Variants in MRRF observed in about 807,000 individuals in gnomAD.
MRRF encodes ribosome-recycling factor, mitochondrial.
In MRRF, 18 loss-of-function variants were observed where a neutral mutation model predicts 25.1. The ratio of observed to expected loss-of-function variants is 0.72; its 90% CI spans 0.50 to 1.06. The LOEUF (loss-of-function observed/expected upper bound fraction) is 1.06, where lower values mean the gene tolerates loss of function less well. Ranked by LOEUF, MRRF falls within the 50% of genes least tolerant of loss-of-function variation. The pLI, the probability that MRRF is intolerant of heterozygous loss-of-function variation, is 0.00. For missense variants in MRRF, 323 were observed against 319.3 expected, an observed-to-expected ratio of 1.01 and a Z score of -0.09; for synonymous variants, 113 against 112.1, an observed-to-expected ratio of 1.01 and a Z score of -0.05.
chr9:122,319,281 G>C (rs1206940262), intron 6 of MRRF, among the ~76,000 whole-genome samples: 1 of 151,628 alleles, frequency 6.6e-6, no homozygotes, highest in African/African-American at 2.4e-5. Context: ...CTCCCCAGTA[G>C]CTGGGACTAC....
chr9:122,283,124 T>C (rs1386977822), intron 3 of MRRF, among the ~76,000 whole-genome samples: 2 of 151,452 alleles, frequency 1.3e-5, no homozygotes, highest in Non-Finnish European at 2.9e-5. Context: ...GTCAGAGTCT[T>C]GCACTGTCGC....
rs1836039052 is a variant in MRRF, at chr9:122,324,147, C to T, written c.*1530C>T. On this transcript the variant is annotated 3_prime_UTR_variant, in exon 7 of 7. Transcript: ENST00000344641. ...TGTCAGATCCCACAGGTTGAGGGCT[C>T]CATCTCCCAAGACTGCCAACACTTT... 1.3e-5 allele frequency: 2 copies of T among 152,172 alleles called. No homozygotes were observed. The highest frequency in any genetic ancestry group is 2.4e-5 in the African/African-American group (1 of 41,420). 9.4% of individuals were successfully genotyped at this position (152,172 alleles called of 1,614,324 possible).
chr9:122,297,985 C>T (rs574922771), intron 5 of MRRF, among the ~76,000 whole-genome samples: 17 of 152,270 alleles, frequency 1.1e-4, no homozygotes, highest in African/African-American at 4.1e-4. Context: ...ATACTGTATT[C>T]TAGGCTCTAT....
At chr9:122,277,011 C>T (rs185728156) in intron 2 of MRRF, among the ~76,000 whole-genome samples, 7 of 152,244 alleles carry the variant, frequency 4.6e-5, no homozygotes, top group African/African-American at 1.4e-4. Flanking sequence ...CAGGCACGCA[C>T]GGCCATGCCT....
chr9:122,306,634 G>A (rs184798161), intron 5 of MRRF, among the ~76,000 whole-genome samples: 1 of 152,292 alleles, frequency 6.6e-6, no homozygotes, highest in East Asian at 1.9e-4. Flanking sequence ...GTCAGAGCTG[G>A]AATTGGAAAT....
chr9:122,285,833 A>C (rs1464582307), intron 4 of MRRF: 1 of 1,282,616 alleles, frequency 7.8e-7, no homozygotes, highest in East Asian at 5.6e-5. Context: ...CCTGAGGGCC[A>C]CCAATTTGTG....
chr9:122,297,643 A>G (rs552522817), intron 5 of MRRF, among the ~76,000 whole-genome samples: 1 of 152,290 alleles, frequency 6.6e-6, no homozygotes, highest in Admixed American at 6.5e-5. Context: ...ATGATTTTCT[A>G]AGGCCTACTT....
At chr9:122,269,783 A>C (rs1832339152) in intron 1 of MRRF, among the ~76,000 whole-genome samples, 1 of 152,202 alleles carries the variant, frequency 6.6e-6, no homozygotes, top group African/African-American at 2.4e-5. Context: ...GATAGCTATC[A>C]ACAGGTATTA....
In MRRF at chr9:122,316,321, A is replaced by G. The variant is rs148374140; in HGVS notation, c.711+2935A>G. On this transcript the variant is annotated intron_variant, in intron 6 of 6. Coordinates refer to ENST00000344641, the MANE Select transcript of MRRF (RefSeq NM_138777.5). Reference sequence around the variant, plus strand: ...CTCCCGAGTAGCTGGGATTACAGGCACGTGCCACCATGCCCTGCTAATTTT... The same window carrying G: ...CTCCCGAGTAGCTGGGATTACAGGCGCGTGCCACCATGCCCTGCTAATTTT... Among the ~76,000 whole-genome samples, 1,240 of 152,170 alleles carry G rather than the reference A, an allele frequency of 8.1e-3. 25 individuals carry two copies. Among genetic ancestry groups the G allele is most frequent in the African/African-American group, 0.028 (1,157 of 41,502 alleles).
chr9:122,322,135 A>G (rs530045458), intron 6 of MRRF, among the ~76,000 whole-genome samples: 15 of 152,262 alleles, frequency 9.9e-5, no homozygotes, highest in African/African-American at 3.6e-4. Flanking sequence ...CCAAGGCAGG[A>G]GGATCACGAG....
At chr9:122,283,509 A>G (rs976853741) in intron 3 of MRRF, among the ~76,000 whole-genome samples, 1 of 152,218 alleles carries the variant, frequency 6.6e-6, no homozygotes, top group East Asian at 1.9e-4. Context: ...ATTTGAACTC[A>G]GGTAATTGGT....
At chr9:122,272,306 G>A (rs1429195145) in intron 2 of MRRF, among the ~76,000 whole-genome samples, 1 of 152,138 alleles carries the variant, frequency 6.6e-6, no homozygotes, top group Non-Finnish European at 1.5e-5. Context: ...GACAGTTACA[G>A]TGCATAAGCA....
chr9:122,325,686 T>TG lies in MRRF; in HGVS notation c.*3071dup. The TG allele has an allele frequency of 1.0e-5, 1 of 99,826 alleles. No individual in the cohort carries two copies. The highest frequency in any genetic ancestry group is 4.0e-5 in the African/African-American group (1 of 24,942). 6.2% of individuals were successfully genotyped at this position (99,826 alleles called of 1,614,324 possible). A position where few individuals can be genotyped will look rare whatever the true frequency, so the allele number is the denominator to read the frequency against. ...TGTGTGTGTGTGTGTGTGTGTGTGT[T>TG]GGAAATTACAAAATAAGTTGGAATG... is the stretch of plus-strand genomic sequence containing the variant. On this transcript the variant is annotated 3_prime_UTR_variant, in exon 7 of 7. Transcript: ENST00000344641.
intron 2 of MRRF, among the ~76,000 whole-genome samples, chr9:122,276,105 G>C (rs1211812120): frequency 6.6e-6 from 1 of 152,086 alleles, no homozygotes; most frequent in East Asian, 1.9e-4. Context: ...GTAGAGATGG[G>C]ATTTCGCCAT....
At chr9:122,279,531 A>G (rs956316491) in intron 2 of MRRF, among the ~76,000 whole-genome samples, 4 of 152,248 alleles carry the variant, frequency 2.6e-5, no homozygotes, top group African/African-American at 9.6e-5. Flanking sequence ...ATGAATAAAC[A>G]GTGTAAATAT....
At chr9:122,310,024 A>G (rs1383778343) in intron 5 of MRRF, among the ~76,000 whole-genome samples, 1 of 152,196 alleles carries the variant, frequency 6.6e-6, no homozygotes, top group African/African-American at 2.4e-5. Flanking sequence ...GACAGTTTAC[A>G]TTTCCTGAGT....
chr9:122,269,586 G>A (rs1275845902), intron 1 of MRRF, among the ~76,000 whole-genome samples: 1 of 152,062 alleles, frequency 6.6e-6, no homozygotes, highest in East Asian at 1.9e-4. Context: ...AATTCGCTGG[G>A]CATGGTGGCA....
In MRRF at chr9:122,322,851, G is replaced by A; in HGVS notation, c.*234G>A. 3.3e-6 allele frequency: 2 copies of A among 602,656 alleles called. No individual in the cohort carries two copies. Among genetic ancestry groups the A allele is most frequent in the African/African-American group, 1.8e-5 (1 of 54,370 alleles). 37.3% of individuals were successfully genotyped at this position (602,656 alleles called of 1,614,324 possible). On this transcript the variant is annotated 3_prime_UTR_variant, in exon 7 of 7. Coordinates refer to ENST00000344641, the MANE Select transcript of MRRF (RefSeq NM_138777.5). Reference sequence around the variant, plus strand: ...AGAAAATACTTGCTGCTGGCAAAAGGCCTGTACTCAGGCATTTGCTTTGAC... The same window carrying A: ...AGAAAATACTTGCTGCTGGCAAAAGACCTGTACTCAGGCATTTGCTTTGAC...
intron 5 of MRRF, among the ~76,000 whole-genome samples, chr9:122,304,100 C>CACACACACACACA (rs907283393): frequency 6.7e-6 from 1 of 149,998 alleles, no homozygotes; most frequent in African/African-American, 2.5e-5. Flanking sequence ...CACACACACA[C>CACACACACACACA]CCTTTAGGGA....
Sources: gnomAD v4.1 joint callset for allele counts (sites outside exome capture counted in the v4.1 genomes callset) on GRCh38, gnomAD v4.1.1 for gene constraint, MANE v1.5 for transcripts, NCBI Gene and HGNC (gene_info 2026-07-23, HGNC 2026-07-21) for gene names.